Variants in RORA observed in about 807,000 individuals in gnomAD.
The protein encoded by RORA is nuclear receptor ROR-alpha.
In RORA, 7 loss-of-function variants were observed where a neutral mutation model predicts 69.5. The observed-to-expected ratio is 0.10, with a 90% CI of 0.06 to 0.19. RORA has a LOEUF of 0.19. Among genes scored for constraint, RORA ranks in the 10% least tolerant of loss-of-function variants. The probability of loss-of-function intolerance (pLI) is 1.00; values close to 1 mark genes in which losing one functional copy is unlikely to be tolerated. For missense variants in RORA, 457 were observed against 663.0 expected (o/e 0.69, Z 3.41); for synonymous variants, 261 against 240.8 (o/e 1.08, Z -0.78).
chr15:61,130,431 A>C (rs1160600589), intron 1 of RORA, among the ~76,000 whole-genome samples: 1 of 152,146 alleles, frequency 6.6e-6, no homozygotes, highest in East Asian at 1.9e-4. Context: ...ATAGGTTTTG[A>C]TTCTATGAAA....
chr15:60,906,622 A>G (rs1468393885), intron 1 of RORA, among the ~76,000 whole-genome samples: 1 of 152,168 alleles, frequency 6.6e-6, no homozygotes, highest in African/African-American at 2.4e-5. Flanking sequence ...AGAAATAGCC[A>G]GACTGTATCA....
intron 1 of RORA, among the ~76,000 whole-genome samples, chr15:60,956,733 T>C (rs991453460): frequency 1.3e-5 from 2 of 152,228 alleles, no homozygotes; most frequent in Admixed American, 6.5e-5. Flanking sequence ...AATAAATAGC[T>C]ATTACTGTTA....
At chr15:61,030,722 G>T (rs1566952073) in intron 1 of RORA, among the ~76,000 whole-genome samples, 2 of 151,978 alleles carry the variant, frequency 1.3e-5, no homozygotes, top group Admixed American at 1.3e-4. Context: ...TTCGAGAACT[G>T]AAAAAAATGT....
chr15:61,090,461 C>A (rs1319940700), intron 1 of RORA, among the ~76,000 whole-genome samples: 1 of 152,186 alleles, frequency 6.6e-6, no homozygotes, highest in East Asian at 1.9e-4. Flanking sequence ...ATCTTGCCAC[C>A]TAGTGATTCT....
chr15:60,741,126 A>C (rs77130468), intron 1 of RORA, among the ~76,000 whole-genome samples: 2 of 152,312 alleles, frequency 1.3e-5, no homozygotes, highest in Non-Finnish European at 2.9e-5. Flanking sequence ...CAAATGCTTC[A>C]AGCAGCTAAT....
intron 4 of RORA, among the ~76,000 whole-genome samples, chr15:60,512,879 T>A (rs1473458238): frequency 6.6e-6 from 1 of 152,238 alleles, no homozygotes; most frequent in Non-Finnish European, 1.5e-5. Context: ...CCCTATGATT[T>A]CCTGGTCTGA....
rs1050190856 is a variant in RORA at position 61,091,495 on chromosome 15, C to T, written c.166+137558G>A. On this transcript the variant is annotated intron_variant, in intron 1 of 10. Transcript: ENST00000335670. ...GCCCAGTGCACCCCAGGGCTTGGCACACACACTCCCACTTCCCAGGGGCAA... is the reference window on the plus strand; with the variant it reads ...GCCCAGTGCACCCCAGGGCTTGGCATACACACTCCCACTTCCCAGGGGCAA... 3.3e-5 allele frequency among the ~76,000 whole-genome samples: 5 copies of T among 152,182 alleles called. No homozygotes were observed. The East Asian group carries it at 9.6e-4, about 29-fold the overall frequency.
chr15:61,076,949 A>T (rs2078459910), intron 1 of RORA, among the ~76,000 whole-genome samples: 1 of 151,766 alleles, frequency 6.6e-6, no homozygotes, highest in South Asian at 2.1e-4. Context: ...AAAAAAAAAA[A>T]GCCCTTAATT....
chr15:60,588,090 T>C (rs1395065233), intron 2 of RORA, among the ~76,000 whole-genome samples: 1 of 152,174 alleles, frequency 6.6e-6, no homozygotes, highest in Non-Finnish European at 1.5e-5. Flanking sequence ...TGTAAATCAT[T>C]CCTCAGAGGG....
rs1567052772 is a variant in RORA, at chr15:60,516,239, AT to A, written c.283-1483del. 1.8e-3 allele frequency among the ~76,000 whole-genome samples: 136 copies of A among 75,340 alleles called. 3 individuals carry two copies. The highest frequency in any genetic ancestry group is 8.6e-3 in the African/African-American group (133 of 15,410). 49.4% of individuals were successfully genotyped at this position (75,340 alleles called of 152,430 possible). A position where few individuals can be genotyped will look rare whatever the true frequency, so the allele number is the denominator to read the frequency against. On this transcript the variant is annotated intron_variant, in intron 3 of 10. Coordinates refer to ENST00000335670, the MANE Select transcript of RORA (RefSeq NM_134261.3). ...TATATATATTTATATATATATTTAT[AT>A]ATATATATTTATATATATATATTTA...
intron 1 of RORA, among the ~76,000 whole-genome samples, chr15:61,109,885 T>C (rs1268872491): frequency 6.6e-6 from 1 of 152,226 alleles, no homozygotes; most frequent in Non-Finnish European, 1.5e-5. Flanking sequence ...TACTAATATG[T>C]ACCTGTGAGT....
chr15:60,978,645 T>A (rs1841199429), intron 1 of RORA, among the ~76,000 whole-genome samples: 1 of 152,240 alleles, frequency 6.6e-6, no homozygotes, highest in Non-Finnish European at 1.5e-5. Context: ...AAGAGATTTA[T>A]AACTTTAGAT....
chr15:60,882,501 G>T (rs1189665489), intron 1 of RORA, among the ~76,000 whole-genome samples: 2 of 152,196 alleles, frequency 1.3e-5, no homozygotes, highest in Non-Finnish European at 2.9e-5. Flanking sequence ...GGAGGGAAGG[G>T]ATGACAGGAT....
chr15:61,122,712 T>G (rs2079114293), intron 1 of RORA, among the ~76,000 whole-genome samples: 1 of 152,116 alleles, frequency 6.6e-6, no homozygotes, highest in African/African-American at 2.4e-5. Flanking sequence ...GTGTCTGGAA[T>G]CCCTCTCTGG....
chr15:60,970,466 T>C (rs747470023), intron 1 of RORA, among the ~76,000 whole-genome samples: 2 of 152,204 alleles, frequency 1.3e-5, no homozygotes, highest in Non-Finnish European at 2.9e-5. Flanking sequence ...CCTGGGGATA[T>C]AGAATGCAAC....
intron 1 of RORA, chr15:60,682,387 C>T (rs1468912399): frequency 6.6e-6 from 1 of 152,182 alleles, no homozygotes; most frequent in Non-Finnish European, 1.5e-5. Flanking sequence ...AAAATATCCT[C>T]ATATTTGATG....
chr15:61,223,519 C>CA (rs893715920), intron 1 of RORA, among the ~76,000 whole-genome samples: 1 of 145,962 alleles, frequency 6.9e-6, no homozygotes, highest in Non-Finnish European at 1.5e-5. Context: ...GAGCATTTAA[C>CA]AAAAAAAGAA....
chr15:60,902,197 T>C (rs1460985988), intron 1 of RORA, among the ~76,000 whole-genome samples: 2 of 152,252 alleles, frequency 1.3e-5, no homozygotes, highest in Non-Finnish European at 2.9e-5. Context: ...AAAGCTGTCC[T>C]TGTAGTGTCA....
intron 1 of RORA, among the ~76,000 whole-genome samples, chr15:61,073,721 T>G (rs1324580259): frequency 1.3e-5 from 2 of 152,190 alleles, no homozygotes; most frequent in East Asian, 3.9e-4. Context: ...CCTACATCAA[T>G]GTAATTATGC....
Sources: gnomAD v4.1 joint callset for allele counts (sites outside exome capture counted in the v4.1 genomes callset) on GRCh38, gnomAD v4.1.1 for gene constraint, MANE v1.5 for transcripts, NCBI Gene and HGNC (gene_info 2026-07-23, HGNC 2026-07-21) for gene names.